Variants in GYPE observed in about 807,000 individuals in gnomAD.
The protein encoded by GYPE is glycophorin E (MNS blood group), also known as glycophorin-E.
A neutral mutation model predicts 11.6 loss-of-function variants in GYPE; 8 were observed. The ratio of observed to expected loss-of-function variants is 0.69; its 90% CI spans 0.41 to 1.25. GYPE has a LOEUF of 1.25. Among genes scored for constraint, GYPE ranks in the 50% most tolerant of loss-of-function variants. The pLI is 0.01. For synonymous variants in GYPE, 28 were observed against 29.6 expected, an observed-to-expected ratio of 0.94 and a Z score of 0.18; for missense variants, 90 against 92.8, an observed-to-expected ratio of 0.97 and a Z score of 0.12.
intron 1 of GYPE, among the ~76,000 whole-genome samples, chr4:143,886,266 C>A (rs1449858132): frequency 7.3e-6 from 1 of 137,692 alleles, no homozygotes; most frequent in African/African-American, 2.7e-5. Flanking sequence ...CACATGGGGG[C>A]AATTTAAAGA....
chr4:143,902,748 T>C (rs571691451), intron 1 of GYPE, among the ~76,000 whole-genome samples: 5 of 152,122 alleles, frequency 3.3e-5, no homozygotes, highest in Non-Finnish European at 5.9e-5. Context: ...CTGAATAAAG[T>C]AGGCATGATG....
intron 1 of GYPE, among the ~76,000 whole-genome samples, chr4:143,895,270 C>T (rs1403436545): frequency 6.6e-6 from 1 of 152,036 alleles, no homozygotes; most frequent in Non-Finnish European, 1.5e-5. Flanking sequence ...TTGTCTTGGC[C>T]CAAAATCTCC....
intron 1 of GYPE, among the ~76,000 whole-genome samples, chr4:143,881,107 T>A (rs1744006079): frequency 6.6e-6 from 1 of 151,720 alleles, no homozygotes; most frequent in African/African-American, 2.4e-5. Context: ...TTACATTGCA[T>A]GAACCCAGGA....
intron 1 of GYPE, among the ~76,000 whole-genome samples, chr4:143,901,754 GT>G (rs1247015678): frequency 1.3e-5 from 2 of 152,014 alleles, no homozygotes; most frequent in Admixed American, 1.3e-4. Context: ...TCTCATAGAT[GT>G]TTTGAATAAT....
intron 1 of GYPE, among the ~76,000 whole-genome samples, chr4:143,893,454 G>T (rs1225650549): frequency 6.6e-6 from 1 of 151,460 alleles, no homozygotes; most frequent in Non-Finnish European, 1.5e-5. Context: ...GTTACCGGAT[G>T]TGCCTTTCCA....
rs1743601579 is a variant in GYPE, at chr4:143,870,995, A to G, written c.*1267T>C. ...TTACATAGTGGCAGGAAGGAGAAGAATGAGAGCTGAGTGAAGGGGGAAGCT... is the reference window on the plus strand; with the variant it reads ...TTACATAGTGGCAGGAAGGAGAAGAGTGAGAGCTGAGTGAAGGGGGAAGCT... On this transcript the variant is annotated 3_prime_UTR_variant, in exon 4 of 4. Transcript: ENST00000358615. 6.6e-6 allele frequency: 1 copy of G among 151,742 alleles called. No homozygotes were observed. 9.4% of individuals were successfully genotyped at this position (151,742 alleles called of 1,614,324 possible).
intron 3 of GYPE, among the ~76,000 whole-genome samples, chr4:143,873,809 A>C (rs1743695826): frequency 6.6e-6 from 1 of 152,132 alleles, no homozygotes; most frequent in South Asian, 2.1e-4. Flanking sequence ...GACCAAGCTT[A>C]TAAAAATGAG....
At chr4:143,878,279 T>C (rs1395565618) in intron 2 of GYPE, among the ~76,000 whole-genome samples, 2 of 152,100 alleles carry the variant, frequency 1.3e-5, no homozygotes, top group Admixed American at 6.5e-5. Context: ...GCTGAGACTA[T>C]AGGTGCATGC....
intron 1 of GYPE, among the ~76,000 whole-genome samples, chr4:143,893,212 A>G (rs375825433): frequency 7.4e-6 from 1 of 136,004 alleles, no homozygotes; most frequent in Non-Finnish European, 1.6e-5. Flanking sequence ...GTCTCTGCAC[A>G]TGAGATGGGT....
intron 1 of GYPE, among the ~76,000 whole-genome samples, chr4:143,888,539 G>A (rs1406030804): frequency 9.3e-3 from 1,380 of 147,788 alleles, no homozygotes; most frequent in African/African-American, 0.033. Flanking sequence ...CTTGATAAAT[G>A]CATCTGTGGA....
chr4:143,902,569 T>C (rs960051228), intron 1 of GYPE, among the ~76,000 whole-genome samples: 1 of 151,226 alleles, frequency 6.6e-6, no homozygotes, highest in African/African-American at 2.4e-5. Context: ...TGCCTCCCTC[T>C]CTCTCTCCAT....
At chr4:143,896,298 A>G (rs62335166) in intron 1 of GYPE, among the ~76,000 whole-genome samples, 139,791 of 150,866 alleles carry the variant, frequency 0.93, 65,719 homozygotes, top group East Asian at 1. Context: ...AATGAACTCA[A>G]ACAAATTTAC....
intron 1 of GYPE, among the ~76,000 whole-genome samples, chr4:143,890,542 A>C (rs1440388571): frequency 6.6e-6 from 1 of 152,208 alleles, no homozygotes; most frequent in Non-Finnish European, 1.5e-5. Context: ...CTCATCCTTG[A>C]CTGCATGGTA....
rs111286891 is a variant in GYPE at position 143,905,410 on chromosome 4, C to T, written c.37+61G>A. 5,986 of 1,609,744 alleles carry T rather than the reference C, an allele frequency of 3.7e-3. 224 individuals carry two copies. The African/African-American group carries it at 0.071, about 19-fold the overall frequency. On this transcript the variant is annotated intron_variant, in intron 1 of 3. Coordinates refer to ENST00000358615, the MANE Select transcript of GYPE (RefSeq NM_198682.3). The stretch of plus-strand genomic sequence containing the variant: ...GATAGAACTAAAATAGGGTAGTTTA[C>T]ATTTTATTCTATGATCTCATACCCA...
intron 1 of GYPE, among the ~76,000 whole-genome samples, chr4:143,899,626 A>T (rs1330486020): frequency 6.6e-6 from 1 of 151,134 alleles, no homozygotes; most frequent in South Asian, 2.1e-4. Flanking sequence ...GAACAGACAT[A>T]TTCTTCGGAT....
intron 1 of GYPE, among the ~76,000 whole-genome samples, chr4:143,891,056 A>G (rs1353480514): frequency 1.3e-5 from 2 of 152,180 alleles, no homozygotes; most frequent in East Asian, 3.9e-4. Context: ...TTGTCTGTTG[A>G]GAGCCCTTAG....
chr4:143,889,233 A>G (rs547670302), intron 1 of GYPE, among the ~76,000 whole-genome samples: 1 of 152,114 alleles, frequency 6.6e-6, no homozygotes, highest in African/African-American at 2.4e-5. Context: ...CTCGCTCTGT[A>G]CTATCCAGCT....
At chr4:143,891,141 T>A (rs1195052870) in intron 1 of GYPE, among the ~76,000 whole-genome samples, 6 of 151,306 alleles carry the variant, frequency 4.0e-5, no homozygotes, top group Non-Finnish European at 8.9e-5. Context: ...ATAACTACTT[T>A]AGGCTTTGTG....
chr4:143,899,359 T>C (rs1308445329), intron 1 of GYPE, among the ~76,000 whole-genome samples: 7 of 152,226 alleles, frequency 4.6e-5, no homozygotes, highest in Non-Finnish European at 7.3e-5. Flanking sequence ...AAAATTAACT[T>C]GATCTCTATA....
Sources: gnomAD v4.1 joint callset for allele counts (sites outside exome capture counted in the v4.1 genomes callset) on GRCh38, gnomAD v4.1.1 for gene constraint, MANE v1.5 for transcripts, NCBI Gene and HGNC (gene_info 2026-07-23, HGNC 2026-07-21) for gene names.